MPZL2: variants seen among roughly 807,000 people sequenced by gnomAD.
MPZL2 encodes myelin protein zero-like protein 2.
Under a neutral mutation model 24.5 loss-of-function variants are expected in MPZL2, and 32 were observed. That is an observed-to-expected ratio of 1.31 (90% confidence interval 0.99 to 1.76). The LOEUF is 1.76. Ranked by LOEUF, MPZL2 falls within the 40% of genes most tolerant of loss-of-function variation. The pLI, the probability that MPZL2 is intolerant of heterozygous loss-of-function variation, is 0.00. For missense variants in MPZL2, 304 were observed against 274.9 expected (o/e 1.11, Z -0.75); for synonymous variants, 92 against 97.9 (o/e 0.94, Z 0.36).
In MPZL2 at chr11:118,253,516, G is replaced by A. The variant is rs1475879862; in HGVS notation, c.*1730C>T. 2 of 152,144 alleles carry A rather than the reference G, an allele frequency of 1.3e-5. No individual in the cohort carries two copies. Among genetic ancestry groups the A allele is most frequent in the Non-Finnish European group, 2.9e-5 (2 of 68,020 alleles). The allele number at this position is 152,144 out of a possible 1,614,324, so 9.4% of individuals were successfully genotyped here. A position where few individuals can be genotyped will look rare whatever the true frequency, so the allele number is the denominator to read the frequency against. Reference sequence around the variant, plus strand: ...ATACAAAAGTGCTCTTTAGGAAGGAGACACTAAACAACAGGCCCATATTAC... The same window carrying A: ...ATACAAAAGTGCTCTTTAGGAAGGAAACACTAAACAACAGGCCCATATTAC... On this transcript the variant is annotated 3_prime_UTR_variant, in exon 6 of 6. Transcript: ENST00000278937.
intron 4 of MPZL2, chr11:118,257,547 C>G (rs759740230): frequency 2.7e-6 from 1 of 373,568 alleles, no homozygotes; most frequent in South Asian, 9.1e-5. Context: ...GGTTCTGATT[C>G]GGGAACTCCA....
Position 118,264,226 on chromosome 11 carries a change from T to C in MPZL2, c.-73A>G, listed in dbSNP as rs1949723686. The C allele has an allele frequency of 6.9e-7, 1 of 1,450,426 alleles. No individual in the cohort carries two copies. The highest frequency in any genetic ancestry group is 1.4e-5 in the African/African-American group (1 of 71,484). The allele number at this position is 1,450,426 out of a possible 1,614,324, so 89.8% of individuals were successfully genotyped here. On this transcript the variant is annotated 5_prime_UTR_variant, in exon 1 of 6. Coordinates refer to ENST00000278937, the MANE Select transcript of MPZL2 (RefSeq NM_005797.4). ...GGCTCCAACACCCTGCCAAGGCCAC[T>C]CCGGGAGGAGCAAGCACCGCGTTTT... is the stretch of plus-strand genomic sequence containing the variant.
chr11:118,261,982 C>T (rs527383855), intron 3 of MPZL2, among the ~76,000 whole-genome samples: 1 of 152,290 alleles, frequency 6.6e-6, no homozygotes, highest in South Asian at 2.1e-4. Context: ...TTGGGAAGTA[C>T]TCAGTAAGTG....
rs1419334552 is a variant in MPZL2 at position 118,254,325 on chromosome 11, C to G, written c.*921G>C. ...TTTAGAGTTGATTTTTTTCACCAGCCCTGAATTTTCAAACTTGTAATATGC... is the reference window on the plus strand; with the variant it reads ...TTTAGAGTTGATTTTTTTCACCAGCGCTGAATTTTCAAACTTGTAATATGC... On this transcript the variant is annotated 3_prime_UTR_variant, in exon 6 of 6. Transcript: ENST00000278937. The G allele has an allele frequency of 6.6e-6, 1 of 151,934 alleles. No individual in the cohort carries two copies. Among genetic ancestry groups the G allele is most frequent in the Admixed American group, 6.6e-5 (1 of 15,252 alleles). 9.4% of individuals were successfully genotyped at this position (151,934 alleles called of 1,614,324 possible). A position where few individuals can be genotyped will look rare whatever the true frequency, so the allele number is the denominator to read the frequency against.
Position 118,260,174 on chromosome 11 carries a change from GC to G in MPZL2, c.463del (p.Ala155LeufsTer10), listed in dbSNP as rs759432278. On this transcript the variant is annotated frameshift_variant, in exon 4 of 6. Coordinates refer to ENST00000278937, the MANE Select transcript of MPZL2 (RefSeq NM_005797.4). LOFTEE classifies it high-confidence loss of function. Reference sequence around the variant, plus strand: ...TGCACAGGCAGAGCCAATGGCCAGAGCCAGGAAGTGGATCTCAGAGAAGCGT... The same window carrying G: ...TGCACAGGCAGAGCCAATGGCCAGAGCAGGAAGTGGATCTCAGAGAAGCGT... ...TVRFSEIHFL[A>X]LAIGSACALM... 1.1e-5 allele frequency: 18 copies of G among 1,614,040 alleles called. No homozygotes were observed. In the East Asian group the frequency reaches 3.8e-4, roughly 34 times the overall value.
rs145670737 is a variant in MPZL2, at chr11:118,263,015, G to A, written c.141C>T (p.Cys47=). 2.4e-5 allele frequency: 39 copies of A among 1,614,092 alleles called. No individual in the cohort carries two copies. Among genetic ancestry groups the A allele is most frequent in the Non-Finnish European group, 3.1e-5 (36 of 1,180,030 alleles). The change falls in exon 2 of 6, where the codon TGC becomes TGT. Residue 47 remains cysteine (C), a synonymous_variant. Coordinates refer to ENST00000278937, the MANE Select transcript of MPZL2 (RefSeq NM_005797.4). ...AVNGTDARLK[C]TFSSFAPVGD... Reference sequence around the variant, plus strand: ...CCACAGGGGCAAAGCTGGAGAAAGTGCATTTTAACCGAGCATCTGTCCCAT... The same window carrying A: ...CCACAGGGGCAAAGCTGGAGAAAGTACATTTTAACCGAGCATCTGTCCCAT...
At chr11:118,257,875 T>C (rs977241699) in intron 4 of MPZL2, among the ~76,000 whole-genome samples, 2 of 152,164 alleles carry the variant, frequency 1.3e-5, no homozygotes, top group African/African-American at 4.8e-5. Context: ...CTGGGCATGG[T>C]GGTACATGCC....
intron 5 of MPZL2, 47 bp downstream of exon 5, chr11:118,257,191 C>T: frequency 7.2e-7 from 1 of 1,390,508 alleles, no homozygotes; most frequent in Non-Finnish European, 1.0e-6. Flanking sequence ...ATGGGCTGGA[C>T]ATGTCAGAAA....
In MPZL2 at chr11:118,260,158, A is replaced by G. The variant is rs777103976; in HGVS notation, c.480T>C (p.Ser160=). 9 of 1,614,018 alleles carry G rather than the reference A, an allele frequency of 5.6e-6. No individual in the cohort carries two copies. Among genetic ancestry groups the G allele is most frequent in the South Asian group, 4.4e-5 (4 of 91,084 alleles). The change falls in exon 4 of 6, where the codon TCT becomes TCC. Residue 160 remains serine (S), a synonymous_variant. Coordinates refer to ENST00000278937, the MANE Select transcript of MPZL2 (RefSeq NM_005797.4). ...EIHFLALAIG[S]ACALMIIIVI... ...CTATTATGATCATCAGTGCACAGGC[A>G]GAGCCAATGGCCAGAGCCAGGAAGT...
chr11:118,260,003 C>G (rs1949688333), intron 4 of MPZL2, 51 bp downstream of exon 4: 2 of 1,602,582 alleles, frequency 1.2e-6, no homozygotes, highest in East Asian at 2.2e-5. Flanking sequence ...TGCAAAATAC[C>G]AAGAGTCGCC....
chr11:118,259,076 T>A (rs1342660414), intron 4 of MPZL2, among the ~76,000 whole-genome samples: 2 of 151,162 alleles, frequency 1.3e-5, no homozygotes, highest in African/African-American at 2.4e-5. Flanking sequence ...CATATATTGC[T>A]GACAGGAATG....
rs1949644037 is a variant in MPZL2, at chr11:118,253,587, A to G, written c.*1659T>C. ...ACATAAGCTACAAATTTTGCCGGAAAAACTGTCCATACATTTTTAACTACT... is the reference window on the plus strand; with the variant it reads ...ACATAAGCTACAAATTTTGCCGGAAGAACTGTCCATACATTTTTAACTACT... On this transcript the variant is annotated 3_prime_UTR_variant, in exon 6 of 6. Coordinates refer to ENST00000278937, the MANE Select transcript of MPZL2 (RefSeq NM_005797.4). 6.6e-6 allele frequency: 1 copy of G among 152,214 alleles called. No homozygotes were observed. The highest frequency in any genetic ancestry group is 1.5e-5 in the Non-Finnish European group (1 of 68,014). 9.4% of individuals were successfully genotyped at this position (152,214 alleles called of 1,614,324 possible).
intron 4 of MPZL2, chr11:118,259,671 G>A (rs1251835982): frequency 6.4e-6 from 1 of 155,812 alleles, no homozygotes; most frequent in African/African-American, 2.4e-5. Context: ...TACATTTAAT[G>A]AACACCTGCT....
chr11:118,262,809 T>C, intron 2 of MPZL2, 122 bp downstream of exon 2: 1 of 1,404,658 alleles, frequency 7.1e-7, no homozygotes, highest in South Asian at 1.3e-5. Flanking sequence ...GTCCCAAGAA[T>C]TGTTTCCGAG....
intron 4 of MPZL2, among the ~76,000 whole-genome samples, chr11:118,258,554 C>G (rs904220929): frequency 6.6e-6 from 1 of 152,032 alleles, no homozygotes; most frequent in African/African-American, 2.4e-5. Flanking sequence ...TAGAAAAATG[C>G]AAATCAAAAC....
rs1178374134 is a variant in MPZL2, at chr11:118,262,489, G to A, written c.385C>T (p.Pro129Ser). 2 of 1,614,120 alleles carry A rather than the reference G, an allele frequency of 1.2e-6. No homozygotes were observed. The highest frequency in any genetic ancestry group is 1.7e-5 in the Admixed American group (1 of 60,026). Reference sequence around the variant, plus strand: ...TCCCCTATCACCCCATCAACATCAGGTGGGTTCTTCACCTGGCAGGTGTAT... The same window carrying A: ...TCCCCTATCACCCCATCAACATCAGATGGGTTCTTCACCTGGCAGGTGTAT... ...GTYTCQVKNP[P>S]DVDGVIGEIR... Residue 129 changes from proline to serine, a missense_variant, in exon 3 of 6, where the codon CCT becomes TCT. Coordinates refer to ENST00000278937, the MANE Select transcript of MPZL2 (RefSeq NM_005797.4).
intron 4 of MPZL2, among the ~76,000 whole-genome samples, chr11:118,258,852 C>G (rs983866863): frequency 6.6e-6 from 1 of 152,094 alleles, no homozygotes; most frequent in Non-Finnish European, 1.5e-5. Flanking sequence ...CTTCTGCCAT[C>G]GGTAAAAGCT....
At position 118,263,069 on chromosome 11, in the gene MPZL2, A is replaced by C; in HGVS notation, c.87T>G (p.Ile29Met). The C allele has an allele frequency of 1.2e-6, 2 of 1,614,140 alleles. No homozygotes were observed. Among genetic ancestry groups the C allele is most frequent in the Non-Finnish European group, 1.7e-6 (2 of 1,180,010 alleles). Residue 29 changes from isoleucine (I) to methionine (M), a missense_variant, in exon 2 of 6, where the codon ATT (isoleucine) becomes ATG (methionine). Transcript: ENST00000278937. ...CAGCCTCCAGCACCCGGGAGGTATA[A>C]ATTTCCACAGCTGCTATAGGCCAAA... ...TALWPIAAVE[I>M]YTSRVLEAVN...
Position 118,254,945 on chromosome 11 carries a change from A to G in MPZL2, c.*301T>C, listed in dbSNP as rs1591503225. ...AATATATGTGTATACAAGTCATAAC[A>G]CTGTAAGTAGTGTCTTAAGGGCAAA... On this transcript the variant is annotated 3_prime_UTR_variant, in exon 6 of 6. Transcript: ENST00000278937. The G allele has an allele frequency of 1.3e-5, 2 of 152,326 alleles. No individual in the cohort carries two copies. The highest frequency in any genetic ancestry group is 6.8e-3 in the Middle Eastern group (2 of 294). The allele number at this position is 152,326 out of a possible 1,614,324, so 9.4% of individuals were successfully genotyped here. A position where few individuals can be genotyped will look rare whatever the true frequency, so the allele number is the denominator to read the frequency against.
Sources: allele counts gnomAD v4.1 joint callset (sites outside exome capture counted in the v4.1 genomes callset), GRCh38; gene constraint gnomAD v4.1.1; transcripts MANE v1.5; gene names NCBI Gene and HGNC (gene_info 2026-07-23, HGNC 2026-07-21).